Variants in LRCH3 observed in about 807,000 individuals in gnomAD.
LRCH3 encodes leucine rich repeats and calponin homology domain containing 3, also known as DISP complex protein LRCH3.
In LRCH3, 68 loss-of-function variants were observed where a neutral mutation model predicts 104.5. The ratio of observed to expected loss-of-function variants is 0.65; its 90% confidence interval spans 0.54 to 0.80. The LOEUF (loss-of-function observed/expected upper bound fraction) is 0.80. LRCH3 is among the 30% of genes least tolerant of loss of function. The pLI is 0.00. For missense variants in LRCH3, 951 were observed against 953.9 expected (o/e 1.00, Z 0.04); for synonymous variants, 344 against 361.3 (o/e 0.95, Z 0.54).
chr3:197,872,748 G>C (rs1002310517), intron 19 of LRCH3, among the ~76,000 whole-genome samples: 1 of 152,100 alleles, frequency 6.6e-6, no homozygotes, highest in East Asian at 1.9e-4. Context: ...CCAGCTACTT[G>C]GGAGGCTGAG....
At position 197,880,904 on chromosome 3, in the gene LRCH3, T is replaced by C. The variant is rs372237028; in HGVS notation, c.2209-2637T>C. The stretch of plus-strand genomic sequence containing the variant: ...CCCTCACATTAGTAAACATTTACGA[T>C]TGCTAACAAAGAGTAAAAGACCAGC... On this transcript the variant is annotated intron_variant, in intron 20 of 20. Transcript: ENST00000425562. 949 of 1,427,530 alleles carry C rather than the reference T, an allele frequency of 6.6e-4. 17 individuals are homozygous for C. The South Asian group carries it at 0.014, about 21-fold the overall frequency. 88.4% of individuals were successfully genotyped at this position (1,427,530 alleles called of 1,614,324 possible).
Position 197,871,396 on chromosome 3 carries a change from T to C in LRCH3, c.2064T>C (p.Leu688=). The stretch of plus-strand genomic sequence containing the variant: ...CAGCTCTAACTGACGGTGTTGTTCT[T>C]TGCCATTTGGCCAATCATGTGCGAC... ...LGAALTDGVV[L]CHLANHVRPR... The change falls in exon 19 of 21, where the codon CTT becomes CTC. Residue 688 remains leucine (L), a synonymous_variant. Coordinates refer to ENST00000425562, the MANE Select transcript of LRCH3 (RefSeq NM_001365715.1). The C allele has an allele frequency of 6.2e-7, 1 of 1,614,236 alleles. No individual in the cohort carries two copies. Among genetic ancestry groups the C allele is most frequent in the Non-Finnish European group, 8.5e-7 (1 of 1,180,038 alleles).
intron 15 of LRCH3, among the ~76,000 whole-genome samples, chr3:197,864,872 T>A (rs1277130720): frequency 6.6e-6 from 1 of 151,478 alleles, no homozygotes; most frequent in East Asian, 1.9e-4. Flanking sequence ...AATGCAAAAA[T>A]TAACTGGGCA....
At position 197,854,348 on chromosome 3, in the gene LRCH3, G is replaced by A. The variant is rs757413681; in HGVS notation, c.1591-44G>A. On this transcript the variant is annotated intron_variant, in intron 13 of 20. Transcript: ENST00000425562. This position sits in a 1 kb window ranked among gnomAD's most constrained non-coding sequence, Gnocchi z 4.5. The stretch of plus-strand genomic sequence containing the variant: ...TTCGTGAAATACGTCACACGTGTGC[G>A]TAGTTTGTTTCTGACATGGCTTCAT... 68 of 1,536,408 alleles carry A rather than the reference G, an allele frequency of 4.4e-5. No individual in the cohort carries two copies. Among genetic ancestry groups the A allele is most frequent in the South Asian group, 6.7e-5 (6 of 89,608 alleles).
chr3:197,846,545 A>T (rs75254489), intron 10 of LRCH3, among the ~76,000 whole-genome samples: 5 of 135,158 alleles, frequency 3.7e-5, no homozygotes, highest in African/African-American at 6.4e-5. Context: ...CAGAAAAATT[A>T]AAAAAAAAAA....
At chr3:197,844,563 C>T (rs1210714344) in intron 10 of LRCH3, among the ~76,000 whole-genome samples, 2 of 151,016 alleles carry the variant, frequency 1.3e-5, no homozygotes, top group Non-Finnish European at 2.9e-5. Flanking sequence ...GCCTTGAAAA[C>T]AGTGTTTGAA....
At chr3:197,804,037 C>T (rs1388548576) in intron 1 of LRCH3, among the ~76,000 whole-genome samples, 2 of 152,138 alleles carry the variant, frequency 1.3e-5, no homozygotes, top group Non-Finnish European at 2.9e-5. Context: ...GCAGGTGGAT[C>T]ACTTGAGGTC....
At position 197,810,957 on chromosome 3, in the gene LRCH3, G is replaced by A. The variant is rs1472905218; in HGVS notation, c.263-3951G>A. 6.6e-6 allele frequency among the ~76,000 whole-genome samples: 1 copy of A among 152,112 alleles called. No individual in the cohort carries two copies. Among genetic ancestry groups the A allele is most frequent in the African/African-American group, 2.4e-5 (1 of 41,422 alleles). On this transcript the variant is annotated intron_variant, in intron 1 of 20. Coordinates refer to ENST00000425562, the MANE Select transcript of LRCH3 (RefSeq NM_001365715.1). This position sits in a 1 kb window ranked among gnomAD's most constrained non-coding sequence, Gnocchi z 4.0. ...CTGGGTTACATAATTAATATTAATA[G>A]CTAAAATGATTTTTATTGCATTATC...
At chr3:197,870,374 A>ATT in intron 18 of LRCH3, 96 bp downstream of exon 18, 68 of 1,124,696 alleles carry the variant, frequency 6.0e-5, no homozygotes, top group Non-Finnish European at 7.6e-5. Context: ...ATTTTTATTT[A>ATT]TTTTTTTTTT....
Position 197,850,906 on chromosome 3 carries a change from A to G in LRCH3, c.1531-1655A>G, listed in dbSNP as rs201747209. On this transcript the variant is annotated intron_variant, in intron 12 of 20. Coordinates refer to ENST00000425562, the MANE Select transcript of LRCH3 (RefSeq NM_001365715.1). ...TGAACACGAAGATTGGAACCTCTTGATTTGCATGATTTCGTGGGGTTCTCC... is the reference window on the plus strand; with the variant it reads ...TGAACACGAAGATTGGAACCTCTTGGTTTGCATGATTTCGTGGGGTTCTCC... The G allele has an allele frequency of 4.6e-3, 3,868 of 842,500 alleles. 14 individuals are homozygous for G. The highest frequency in any genetic ancestry group is 6.1e-3 in the Non-Finnish European group (2,894 of 476,184). The allele number at this position is 842,500 out of a possible 1,614,324, so 52.2% of individuals were successfully genotyped here. A position where few individuals can be genotyped will look rare whatever the true frequency, so the allele number is the denominator to read the frequency against.
rs186964566 is a variant in LRCH3, at chr3:197,812,590, C to A, written c.263-2318C>A. On this transcript the variant is annotated intron_variant, in intron 1 of 20. Transcript: ENST00000425562. ...GTAGTGGCGCCATCTCGGCTCACTG[C>A]AACCAAGCTGGATCATATGGTGGCT... Among the ~76,000 whole-genome samples the A allele has an allele frequency of 2.8e-4, 39 of 139,448 alleles. No individual in the cohort carries two copies. In the East Asian group the frequency reaches 8.4e-3, roughly 30 times the overall value. 91.5% of individuals were successfully genotyped at this position (139,448 alleles called of 152,430 possible). A position where few individuals can be genotyped will look rare whatever the true frequency, so the allele number is the denominator to read the frequency against.
chr3:197,828,477 C>G (rs931591346), intron 5 of LRCH3, among the ~76,000 whole-genome samples: 3 of 151,716 alleles, frequency 2.0e-5, no homozygotes, highest in African/African-American at 7.3e-5. Flanking sequence ...TCCCAAGTAG[C>G]TGGGAGTACA....
chr3:197,830,867 A>G lies in LRCH3; in HGVS notation c.981+4A>G. The G allele has an allele frequency of 6.2e-7, 1 of 1,609,164 alleles. No individual in the cohort carries two copies. Among genetic ancestry groups the G allele is most frequent in the Non-Finnish European group, 8.5e-7 (1 of 1,175,596 alleles). ...TAAGAGATGGTCAGGGAATGAAGTA[A>G]GTGTTTTTTATGTTCCGTGTGTTAT... On this transcript the variant is annotated splice_donor_region_variant and intron_variant, in intron 7 of 20. Coordinates refer to ENST00000425562, the MANE Select transcript of LRCH3 (RefSeq NM_001365715.1).
chr3:197,794,794 C>G (rs1029317187), intron 1 of LRCH3, among the ~76,000 whole-genome samples: 3 of 152,168 alleles, frequency 2.0e-5, no homozygotes, highest in African/African-American at 7.2e-5. Flanking sequence ...CACCTGAGAT[C>G]GGAAGTTCCA....
At chr3:197,852,706 G>A (rs1739775450) in intron 13 of LRCH3, 86 bp downstream of exon 13, 2 of 1,369,208 alleles carry the variant, frequency 1.5e-6, no homozygotes, top group Non-Finnish European at 1.0e-6. Flanking sequence ...CATGTTTTCA[G>A]TGCTCGGAAT....
chr3:197,880,602 G>T, intron 20 of LRCH3: 1 of 1,536,716 alleles, frequency 6.5e-7, no homozygotes, highest in Non-Finnish European at 8.7e-7. Flanking sequence ...GGCACACTCA[G>T]AAGAATCCAG....
intron 1 of LRCH3, among the ~76,000 whole-genome samples, chr3:197,812,503 A>ATTTTTTTTTT (rs1439272123): frequency 1.2e-4 from 1 of 8,590 alleles, no homozygotes; most frequent in African/African-American, 3.7e-4. Context: ...CTCTGCTTTC[A>ATTTTTTTTTT]GTTTTTTTTT....
chr3:197,818,470 A>G (rs1176151568), intron 3 of LRCH3, among the ~76,000 whole-genome samples: 2 of 152,196 alleles, frequency 1.3e-5, no homozygotes, highest in Non-Finnish European at 2.9e-5. Context: ...TACATATGTA[A>G]TATAGTTGGA....
chr3:197,834,787 T>G (rs1736458126), intron 8 of LRCH3, among the ~76,000 whole-genome samples: 1 of 152,212 alleles, frequency 6.6e-6, no homozygotes, highest in African/African-American at 2.4e-5. Flanking sequence ...TGCTACATTC[T>G]TTAGTGAACT....
Sources: gnomAD v4.1 joint callset for allele counts (sites outside exome capture counted in the v4.1 genomes callset) on GRCh38, gnomAD v4.1.1 for gene constraint, Gnocchi (gnomAD v3.1) non-coding constraint, MANE v1.5 for transcripts, NCBI Gene and HGNC (gene_info 2026-07-23, HGNC 2026-07-21) for gene names.